PSTK: variants seen among roughly 807,000 people sequenced by gnomAD.
PSTK encodes L-seryl-tRNA(Sec) kinase.
Under a neutral mutation model 38.6 loss-of-function variants are expected in PSTK, and 26 were observed. That is an observed-to-expected ratio of 0.67 (90% CI 0.49 to 0.94). The LOEUF is 0.94. PSTK is among the 40% of genes least tolerant of loss of function. PSTK has a pLI of 0.00. For synonymous variants in PSTK, 181 were observed against 161.7 expected, an observed-to-expected ratio of 1.12 and a Z score of -0.91; for missense variants, 445 against 436.3, an observed-to-expected ratio of 1.02 and a Z score of -0.18.
chr10:122,981,967 T>C (rs1270791969), intron 1 of PSTK: 1 of 152,180 alleles, frequency 6.6e-6, no homozygotes, highest in Non-Finnish European at 1.5e-5. Flanking sequence ...TGGTAAGGCA[T>C]GGGCAGGCAA....
chr10:122,980,600 C>G lies in PSTK; in HGVS notation c.121C>G (p.Arg41Gly). Residue 41 changes from arginine to glycine, a missense_variant, in exon 1 of 6, where the codon CGG (arginine) becomes GGG (glycine). Arg to Gly is a moderately radical substitution (Grantham distance 125). Coordinates refer to ENST00000406217, the MANE Select transcript of PSTK (RefSeq NM_001363531.2). The surrounding 1 kb of genome is among the most constrained non-coding windows in gnomAD (Gnocchi z 4.3). Reference protein sequence around the residue: ...KSTFARALAHRLQQEQGWAIG... With the variant: ...KSTFARALAHGLQQEQGWAIG... Reference sequence around the variant, plus strand: ...GACTTTCGCGCGCGCCCTCGCCCACCGGCTGCAGCAGGAGCAGGGTTGGGC... The same window carrying G: ...GACTTTCGCGCGCGCCCTCGCCCACGGGCTGCAGCAGGAGCAGGGTTGGGC... The G allele has an allele frequency of 6.2e-7, 1 of 1,612,100 alleles. No homozygotes were observed. Among genetic ancestry groups the G allele is most frequent in the South Asian group, 1.1e-5 (1 of 90,892 alleles).
Position 122,982,902 on chromosome 10 carries a change from T to A in PSTK, c.386T>A (p.Phe129Tyr). 1.2e-6 allele frequency: 2 copies of A among 1,614,254 alleles called. No homozygotes were observed. The highest frequency in any genetic ancestry group is 1.1e-5 in the South Asian group (1 of 91,088). ...CAAGATCTGATATTTTCTGCAGCAT[T>A]TGAGGCCCAGTCTTGCTACCTCTTA... The part of the protein sequence containing the change: ...KDQDLIFSAA[F>Y]EAQSCYLLTK... Residue 129 changes from phenylalanine to tyrosine, a missense_variant, in exon 2 of 6, where the codon TTT becomes TAT. Coordinates refer to ENST00000406217, the MANE Select transcript of PSTK (RefSeq NM_001363531.2).
chr10:122,980,532 G>C lies in PSTK; in HGVS notation c.53G>C (p.Arg18Pro). ...ACCGGCAGCGACGGGCCGCGGAAAC[G>C]AGGCCTCTGCGTCCTCTGTGGCCTC... ...RGTGSDGPRK[R>P]GLCVLCGLPA... Residue 18 changes from arginine to proline, a missense_variant, in exon 1 of 6, where the codon CGA (arginine) becomes CCA (proline). Arg to Pro is a moderately radical substitution (Grantham distance 103). Transcript: ENST00000406217. This position sits in a 1 kb window ranked among gnomAD's most constrained non-coding sequence, Gnocchi z 4.3. The C allele has an allele frequency of 6.2e-7, 1 of 1,610,038 alleles. No homozygotes were observed. The highest frequency in any genetic ancestry group is 8.5e-7 in the Non-Finnish European group (1 of 1,179,332).
In PSTK at chr10:122,980,590, C is replaced by T. The variant is rs1172335929; in HGVS notation, c.111C>T (p.Ala37=). The change falls in exon 1 of 6, where the codon GCC becomes GCT. Residue 37 remains alanine (A), a synonymous_variant. Transcript: ENST00000406217. This position sits in a 1 kb window ranked among gnomAD's most constrained non-coding sequence, Gnocchi z 4.3. ...CAGGAAAATCGACTTTCGCGCGCGC[C>T]CTCGCCCACCGGCTGCAGCAGGAGC... ...PAAGKSTFAR[A]LAHRLQQEQG... is the part of the protein sequence containing the mutation. The T allele has an allele frequency of 6.2e-7, 1 of 1,612,048 alleles. No individual in the cohort carries two copies. The highest frequency in any genetic ancestry group is 1.3e-5 in the African/African-American group (1 of 75,016).
chr10:122,980,509 C>T lies in PSTK; in HGVS notation c.30C>T (p.Thr10=). The change falls in exon 1 of 6, where the codon ACC becomes ACT. Residue 10 remains threonine (T), a synonymous_variant. Transcript: ENST00000406217. The surrounding 1 kb of genome is among the most constrained non-coding windows in gnomAD (Gnocchi z 4.3). MKTAENIRG[T]GSDGPRKRGL... ...AGACCGCCGAGAACATCAGAGGAAC[C>T]GGCAGCGACGGGCCGCGGAAACGAG... 6.2e-7 allele frequency: 1 copy of T among 1,608,392 alleles called. No homozygotes were observed.
intron 5 of PSTK, 87 bp from the exon 6 acceptor site, chr10:122,990,086 GT>G: frequency 1.1e-6 from 1 of 884,560 alleles, no homozygotes; most frequent in Non-Finnish European, 1.7e-6. Context: ...TAACTGGTTT[GT>G]TTAATCAAAT....
chr10:122,983,701 A>C (rs1848997592), intron 3 of PSTK: 1 of 479,438 alleles, frequency 2.1e-6, no homozygotes, highest in South Asian at 3.0e-5. Context: ...ACTGTCTTCC[A>C]GTAGTTGGAG....
intron 3 of PSTK, chr10:122,983,881 T>G (rs1399334760): frequency 5.5e-6 from 1 of 180,652 alleles, no homozygotes; most frequent in Non-Finnish European, 1.2e-5. Context: ...ATGTGAGGCT[T>G]GTAGGCTATG....
At position 122,983,345 on chromosome 10, in the gene PSTK, A is replaced by G. The variant is rs764119339; in HGVS notation, c.582A>G (p.Pro194=). ...ETCLQRNGQR[P]QALPPETIHL... is the part of the protein sequence containing the mutation. ...GTTTACAGAGGAATGGCCAGAGGCC[A>G]CAGGCACTGCCTCCTGAGACCATCC... Residue 194 remains proline (P), a synonymous_variant, in exon 3 of 6, where the codon CCA becomes CCG. Coordinates refer to ENST00000406217, the MANE Select transcript of PSTK (RefSeq NM_001363531.2). 2 of 1,614,092 alleles carry G rather than the reference A, an allele frequency of 1.2e-6. No individual in the cohort carries two copies. The highest frequency in any genetic ancestry group is 1.3e-5 in the African/African-American group (1 of 74,944).
rs889865126 is a variant in PSTK, at chr10:122,986,798, G to T, written c.784-71G>T. 1.7e-5 allele frequency: 16 copies of T among 968,630 alleles called. No individual in the cohort carries two copies. In the African/African-American group the frequency reaches 2.3e-4, roughly 14 times the overall value. 60.0% of individuals were successfully genotyped at this position (968,630 alleles called of 1,614,324 possible). A position where few individuals can be genotyped will look rare whatever the true frequency, so the allele number is the denominator to read the frequency against. On this transcript the variant is annotated intron_variant, in intron 4 of 5. Coordinates refer to ENST00000406217, the MANE Select transcript of PSTK (RefSeq NM_001363531.2). Reference sequence around the variant, plus strand: ...TTTCTTTTAGTCCTTTCAAATACATGTGACCTATTCTTTAGCCATTTATTT... The same window carrying T: ...TTTCTTTTAGTCCTTTCAAATACATTTGACCTATTCTTTAGCCATTTATTT...
At chr10:122,989,479 C>T (rs553693669) in intron 5 of PSTK, among the ~76,000 whole-genome samples, 10 of 152,082 alleles carry the variant, frequency 6.6e-5, no homozygotes, top group South Asian at 2.1e-4. Flanking sequence ...CTCGAACGCC[C>T]GACCTCAGGT....
Position 122,983,367 on chromosome 10 carries a change from A to G in PSTK, c.604A>G (p.Ile202Val). The change falls in exon 3 of 6, where the codon ATC (isoleucine) becomes GTC (valine). Residue 202 changes from isoleucine (I) to valine (V), a missense_variant. Coordinates refer to ENST00000406217, the MANE Select transcript of PSTK (RefSeq NM_001363531.2). ...QRPQALPPET[I>V]HLMGRKLEKP... ...GCCACAGGCACTGCCTCCTGAGACC[A>G]TCCACCTGATGGGAAGAAAGCTAGA... 1 of 1,614,192 alleles carries G rather than the reference A, an allele frequency of 6.2e-7. No homozygotes were observed. Among genetic ancestry groups the G allele is most frequent in the Non-Finnish European group, 8.5e-7 (1 of 1,179,990 alleles).
chr10:122,983,831 A>G (rs1848999231), intron 3 of PSTK: 1 of 220,856 alleles, frequency 4.5e-6, no homozygotes, highest in Middle Eastern at 1.8e-3. Context: ...ACTGGGTCCT[A>G]TTTGCCTTAG....
intron 3 of PSTK, chr10:122,986,036 C>G: frequency 5.0e-6 from 1 of 200,626 alleles, no homozygotes; most frequent in Non-Finnish European, 1.0e-5. Flanking sequence ...CTGGCTAACA[C>G]GGTGAAACCC....
chr10:122,989,504 G>C (rs571961908), intron 5 of PSTK, among the ~76,000 whole-genome samples: 1 of 152,102 alleles, frequency 6.6e-6, no homozygotes, highest in East Asian at 1.9e-4. Context: ...CGCCCACCTC[G>C]GCCACCCACA....
intron 3 of PSTK, chr10:122,984,246 TCA>T (rs1849006307): frequency 6.6e-6 from 1 of 152,244 alleles, no homozygotes; most frequent in African/African-American, 2.4e-5. Context: ...TTCTCCTGTC[TCA>T]GTCCCCTAAG....
rs972463682 is a variant in PSTK, at chr10:122,990,332, A to G, written c.1036A>G (p.Lys346Glu). The G allele has an allele frequency of 1.8e-5, 28 of 1,513,642 alleles. No individual in the cohort carries two copies. The highest frequency in any genetic ancestry group is 2.8e-5 in the African/African-American group (2 of 70,922). The allele number at this position is 1,513,642 out of a possible 1,614,324, so 93.8% of individuals were successfully genotyped here. Residue 346 changes from lysine to glutamate, a missense_variant, in exon 6 of 6, where the codon AAA becomes GAA. Transcript: ENST00000406217. ...PDVISFFHYE[K>E]DNIVQKYFSK... ...TGTCATTTCTTTTTTTCATTATGAG[A>G]AAGATAATATTGTACAGAAGTATTT...
intron 2 of PSTK, 48 bp downstream of exon 2, chr10:122,983,072 A>G: frequency 6.8e-7 from 1 of 1,467,216 alleles, no homozygotes; most frequent in Non-Finnish European, 9.3e-7. Context: ...TTATTCACGT[A>G]TCAAAAACAC....
chr10:122,987,259 G>A, intron 5 of PSTK: 1 of 1,519,876 alleles, frequency 6.6e-7, no homozygotes, highest in Non-Finnish European at 8.9e-7. Context: ...GATTACATGA[G>A]TATATGCCCA....
Sources: gnomAD v4.1 joint callset for allele counts (sites outside exome capture counted in the v4.1 genomes callset) on GRCh38, gnomAD v4.1.1 for gene constraint, Gnocchi (gnomAD v3.1) non-coding constraint, MANE v1.5 for transcripts, NCBI Gene and HGNC (gene_info 2026-07-23, HGNC 2026-07-21) for gene names.